The following LRFN2 variants were observed in gnomAD, a reference collection of about 807,000 sequenced individuals.
The protein encoded by LRFN2 is leucine-rich repeat and fibronectin type-III domain-containing protein 2.
Under a neutral mutation model 37.3 loss-of-function variants are expected in LRFN2, and 18 were observed. That is an observed-to-expected ratio of 0.48 (90% CI 0.33 to 0.72). The LOEUF (loss-of-function observed/expected upper bound fraction) is 0.72. Among genes scored for constraint, LRFN2 ranks in the 30% least tolerant of loss-of-function variants. The pLI is 0.02. For synonymous variants in LRFN2, 556 were observed against 466.6 expected (o/e 1.19, Z -2.47); for missense variants, 1,006 against 1,060.7 (o/e 0.95, Z 0.72).
intron 1 of LRFN2, among the ~76,000 whole-genome samples, chr6:40,574,399 G>C (rs1268928220): frequency 6.6e-6 from 1 of 152,140 alleles, no homozygotes; most frequent in Non-Finnish European, 1.5e-5. Context: ...TCCCAGGCCT[G>C]ACTCACTGTG....
chr6:40,435,350 A>G (rs1336078551), intron 1 of LRFN2, among the ~76,000 whole-genome samples: 1 of 151,290 alleles, frequency 6.6e-6, no homozygotes, highest in African/African-American at 2.4e-5. Context: ...TTGTAGAGTC[A>G]GATTTTGCTA....
intron 1 of LRFN2, among the ~76,000 whole-genome samples, chr6:40,574,525 G>A (rs1767242580): frequency 6.6e-6 from 1 of 152,164 alleles, no homozygotes; most frequent in African/African-American, 2.4e-5. Flanking sequence ...CGGGGTGGGG[G>A]GTGGCGGGGA....
At chr6:40,513,495 A>G (rs1225143361) in intron 1 of LRFN2, among the ~76,000 whole-genome samples, 1 of 152,064 alleles carries the variant, frequency 6.6e-6, no homozygotes, top group Non-Finnish European at 1.5e-5. Flanking sequence ...CAGCCTCCCA[A>G]AGTGCTGTGA....
intron 1 of LRFN2, among the ~76,000 whole-genome samples, chr6:40,440,037 A>G (rs1378114377): frequency 6.6e-6 from 1 of 152,144 alleles, no homozygotes; most frequent in East Asian, 1.9e-4. Flanking sequence ...TCTTTCCCCA[A>G]ACAAAACCTT....
chr6:40,420,387 C>T (rs553587757), intron 2 of LRFN2, among the ~76,000 whole-genome samples: 45 of 152,360 alleles, frequency 3.0e-4, no homozygotes, highest in African/African-American at 9.6e-4. Flanking sequence ...GCCTAATTGT[C>T]AAGAAGTAAG....
intron 1 of LRFN2, among the ~76,000 whole-genome samples, chr6:40,505,171 G>A (rs912238239): frequency 1.3e-5 from 2 of 152,188 alleles, no homozygotes; most frequent in African/African-American, 2.4e-5. Flanking sequence ...TTTATAACCT[G>A]TCAGTGGGGT....
chr6:40,524,928 C>T (rs1040187486), intron 1 of LRFN2, among the ~76,000 whole-genome samples: 1 of 152,206 alleles, frequency 6.6e-6, no homozygotes, highest in Non-Finnish European at 1.5e-5. Flanking sequence ...ACTAGGGCAT[C>T]GTGGCAAAGG....
intron 1 of LRFN2, among the ~76,000 whole-genome samples, chr6:40,447,033 C>T (rs571003205): frequency 6.6e-6 from 1 of 151,852 alleles, no homozygotes; most frequent in Non-Finnish European, 1.5e-5. Context: ...TCCCCTCAGA[C>T]TGGGGCTCCC....
intron 1 of LRFN2, among the ~76,000 whole-genome samples, chr6:40,450,628 T>C (rs1271992057): frequency 6.6e-6 from 1 of 152,224 alleles, no homozygotes; most frequent in Non-Finnish European, 1.5e-5. Context: ...AGACTGGTTA[T>C]ACACGGGCAA....
At chr6:40,466,807 C>A (rs1764479802) in intron 1 of LRFN2, among the ~76,000 whole-genome samples, 1 of 152,104 alleles carries the variant, frequency 6.6e-6, no homozygotes. Flanking sequence ...AAATCCTAAG[C>A]CCAAGTGCCT....
chr6:40,543,838 C>T (rs532713258), intron 1 of LRFN2, among the ~76,000 whole-genome samples: 41 of 152,370 alleles, frequency 2.7e-4, no homozygotes, highest in African/African-American at 8.9e-4. Context: ...TGATGAAATA[C>T]AGTGCTCCTG....
chr6:40,523,155 A>T (rs529459311), intron 1 of LRFN2, among the ~76,000 whole-genome samples: 3 of 152,354 alleles, frequency 2.0e-5, no homozygotes, highest in African/African-American at 7.2e-5. Flanking sequence ...ACAACAGACT[A>T]TGTGTCACTG....
intron 1 of LRFN2, among the ~76,000 whole-genome samples, chr6:40,474,681 G>C (rs577520638): frequency 1.3e-5 from 2 of 152,078 alleles, no homozygotes; most frequent in South Asian, 4.2e-4. Context: ...GTAGAGATGG[G>C]GTTTCATCAT....
intron 1 of LRFN2, among the ~76,000 whole-genome samples, chr6:40,474,419 C>T (rs1488592014): frequency 1.3e-5 from 2 of 152,152 alleles, no homozygotes; most frequent in East Asian, 1.9e-4. Flanking sequence ...TGTCTCTTCT[C>T]CTTTTTTGTC....
At chr6:40,434,634 G>A (rs1261471437) in intron 1 of LRFN2, among the ~76,000 whole-genome samples, 1 of 151,836 alleles carries the variant, frequency 6.6e-6, no homozygotes, top group African/African-American at 2.4e-5. Context: ...ACACCACCAT[G>A]CCCAGCTAAC....
intron 1 of LRFN2, among the ~76,000 whole-genome samples, chr6:40,456,663 C>A (rs1299848324): frequency 6.6e-6 from 1 of 152,244 alleles, no homozygotes; most frequent in Non-Finnish European, 1.5e-5. Flanking sequence ...ATATTTAATA[C>A]TTTTATCTCC....
chr6:40,540,978 A>C (rs1308921527), intron 1 of LRFN2, among the ~76,000 whole-genome samples: 1 of 152,214 alleles, frequency 6.6e-6, no homozygotes, highest in African/African-American at 2.4e-5. Flanking sequence ...GCAAAGAAGG[A>C]CAAGTGCTTG....
intron 1 of LRFN2, among the ~76,000 whole-genome samples, chr6:40,454,054 G>A (rs1425326490): frequency 6.6e-6 from 1 of 152,140 alleles, no homozygotes; most frequent in Non-Finnish European, 1.5e-5. Flanking sequence ...CTGTATAGTT[G>A]GGATGCTCCA....
chr6:40,394,024 G>T (rs1234804327), intron 2 of LRFN2, among the ~76,000 whole-genome samples: 2 of 152,132 alleles, frequency 1.3e-5, no homozygotes, highest in African/African-American at 2.4e-5. Context: ...ACGATTCCTT[G>T]GTCCTAGTTG....
Sources: gnomAD v4.1 joint callset for allele counts (sites outside exome capture counted in the v4.1 genomes callset) on GRCh38, gnomAD v4.1.1 for gene constraint, MANE v1.5 for transcripts, NCBI Gene and HGNC (gene_info 2026-07-23, HGNC 2026-07-21) for gene names.